The following CTBP2 variants were observed in gnomAD, a reference collection of about 807,000 sequenced individuals.
CTBP2 encodes C-terminal binding protein 2.
A neutral mutation model predicts 80.3 loss-of-function variants in CTBP2; 30 were observed. The ratio of observed to expected loss-of-function variants is 0.37; its 90% CI spans 0.28 to 0.51. CTBP2 has a LOEUF of 0.51. Ranked by LOEUF, CTBP2 falls within the 20% of genes least tolerant of loss-of-function variation. The pLI, the probability that CTBP2 is intolerant of heterozygous loss-of-function variation, is 0.93. For synonymous variants in CTBP2, 594 were observed against 587.4 expected (o/e 1.01, Z -0.16); for missense variants, 1,212 against 1,375.3 (o/e 0.88, Z 1.88).
chr10:124,994,070 G>A (rs1419011952), intron 5 of CTBP2, 85 bp from the exon 8 acceptor site: 5 of 1,561,474 alleles, frequency 3.2e-6, no homozygotes, highest in Non-Finnish European at 3.5e-6. Flanking sequence ...AAAGCTGCAA[G>A]CTAGTTTTGT....
In CTBP2 at chr10:124,998,001, G is replaced by C; in HGVS notation, c.2148C>G (p.Ala716=). The C allele has an allele frequency of 6.2e-7, 1 of 1,612,994 alleles. No homozygotes were observed. The highest frequency in any genetic ancestry group is 1.1e-5 in the South Asian group (1 of 91,066). The stretch of plus-strand genomic sequence containing the variant: ...GGCCCAGCGTCTCCCCACGGATGCG[G>C]GCCGCTCCCGAGGCCACCTCGCGGA... The change falls in exon 4 of 9, where the codon GCC becomes GCG. Residue 716 remains alanine (A), a synonymous_variant. Transcript: ENST00000309035.
chr10:125,012,684 G>C (rs1204694234), intron 1 of CTBP2, among the ~76,000 whole-genome samples: 1 of 152,180 alleles, frequency 6.6e-6, no homozygotes, highest in African/African-American at 2.4e-5. Context: ...CTGTTGTCCA[G>C]GCTGGAGTGC....
intron 1 of CTBP2, among the ~76,000 whole-genome samples, chr10:125,025,171 TTC>T (rs1260705226): frequency 2.0e-5 from 3 of 152,136 alleles, no homozygotes; most frequent in African/African-American, 7.2e-5. Context: ...TTGAAAAGGA[TTC>T]TGTTTTCTGA....
chr10:125,105,897 GC>G (rs1851376189), intron 2 of CTBP2, among the ~76,000 whole-genome samples: 1 of 152,190 alleles, frequency 6.6e-6, no homozygotes, highest in Non-Finnish European at 1.5e-5. Context: ...CTACGCCCCA[GC>G]CTGAAACTTG....
intron 1 of CTBP2, among the ~76,000 whole-genome samples, chr10:125,112,017 C>T (rs1590850658): frequency 6.6e-6 from 1 of 151,986 alleles, no homozygotes; most frequent in African/African-American, 2.4e-5. Flanking sequence ...CTGCTGCAGC[C>T]AGGCCTGACA....
rs1320128313 is a variant in CTBP2, at chr10:125,027,170, C to G, written c.590G>C (p.Arg197Thr). The stretch of plus-strand genomic sequence containing the variant: ...GTAGGCAGGCACCTCCGCCCCATAC[C>G]TGGTGTCGGGCTGCTCCCGTCCATA... The change falls in exon 1 of 9, where the codon AGG (arginine) becomes ACG (threonine). Residue 197 changes from arginine (R) to threonine (T), a missense_variant. Transcript: ENST00000309035. 12 of 1,605,074 alleles carry G rather than the reference C, an allele frequency of 7.5e-6. No individual in the cohort carries two copies. The highest frequency in any genetic ancestry group is 2.2e-5 in the South Asian group (2 of 90,812).
intron 1 of CTBP2, among the ~76,000 whole-genome samples, chr10:125,133,259 A>G (rs1483963385): frequency 6.6e-6 from 1 of 152,284 alleles, no homozygotes; most frequent in East Asian, 1.9e-4. Context: ...TCTCAGTATG[A>G]CCTTCAGCAT....
At chr10:125,101,174 A>G (rs1850558400) in intron 2 of CTBP2, among the ~76,000 whole-genome samples, 1 of 152,232 alleles carries the variant, frequency 6.6e-6, no homozygotes, top group Middle Eastern at 3.2e-3. Context: ...ACTTTGCCAT[A>G]AAATGCAGGA....
chr10:125,114,243 C>A (rs1852799167), intron 1 of CTBP2, among the ~76,000 whole-genome samples: 1 of 152,218 alleles, frequency 6.6e-6, no homozygotes, highest in Admixed American at 6.5e-5. Context: ...CCCACCCCCT[C>A]CAAGTTCACG....
chr10:125,035,710 T>A (rs1958785474), intron 3 of CTBP2, among the ~76,000 whole-genome samples: 1 of 152,212 alleles, frequency 6.6e-6, no homozygotes, highest in South Asian at 2.1e-4. Context: ...CTAGCCCTCA[T>A]TTCCAACCAA....
chr10:125,033,229 G>A (rs1958447621), intron 3 of CTBP2, among the ~76,000 whole-genome samples: 2 of 152,184 alleles, frequency 1.3e-5, no homozygotes, highest in South Asian at 4.1e-4. Context: ...CCCCAGCGCT[G>A]GACACCCAGA....
chr10:125,046,537 C>CAAAAAAAAAAAAA (rs57913854), intron 2 of CTBP2, among the ~76,000 whole-genome samples: 17 of 114,764 alleles, frequency 1.5e-4, no homozygotes, highest in Admixed American at 2.0e-4. Context: ...GACTCTATCT[C>CAAAAAAAAAAAAA]AAAAAAAAAA....
chr10:125,139,994 A>C (rs1433995803), intron 1 of CTBP2, among the ~76,000 whole-genome samples: 4 of 151,790 alleles, frequency 2.6e-5, no homozygotes, highest in Admixed American at 2.6e-4. Flanking sequence ...CCCTTCCCCA[A>C]CCCTTGCTGA....
intron 1 of CTBP2, among the ~76,000 whole-genome samples, chr10:125,114,995 G>A (rs1028695714): frequency 2.6e-5 from 4 of 152,052 alleles, no homozygotes; most frequent in African/African-American, 9.7e-5. Context: ...GAGGCTTTCT[G>A]CTTGAACTCA....
At chr10:125,097,989 C>T (rs542104559) in intron 2 of CTBP2, among the ~76,000 whole-genome samples, 6 of 152,112 alleles carry the variant, frequency 3.9e-5, no homozygotes, top group East Asian at 3.9e-4. Context: ...GGTGTGGCGG[C>T]GGGCGCCTGT....
intron 2 of CTBP2, among the ~76,000 whole-genome samples, chr10:125,103,070 G>A (rs965458640): frequency 1.3e-5 from 2 of 152,168 alleles, no homozygotes; most frequent in Non-Finnish European, 2.9e-5. Flanking sequence ...ACTTCCCTGC[G>A]GTGGAAAGCT....
intron 5 of CTBP2, 29 bp downstream of exon 7, chr10:124,994,440 A>C (rs898522456): frequency 2.5e-6 from 4 of 1,608,358 alleles, no homozygotes; most frequent in Non-Finnish European, 3.4e-6. Context: ...TTTCGACAGA[A>C]GCTTCCATGG....
At chr10:125,068,290 C>T (rs1209401136) in intron 2 of CTBP2, among the ~76,000 whole-genome samples, 2 of 152,170 alleles carry the variant, frequency 1.3e-5, no homozygotes, top group African/African-American at 4.8e-5. Flanking sequence ...AATGACCATT[C>T]CCAAATTCAG....
At chr10:125,138,313 C>A (rs1009233703) in intron 1 of CTBP2, 1 of 152,126 alleles carries the variant, frequency 6.6e-6, no homozygotes, top group East Asian at 1.9e-4. Context: ...CTGGGTGATT[C>A]GAGACTATCC....
Sources: gnomAD v4.1 joint callset for allele counts (sites outside exome capture counted in the v4.1 genomes callset) on GRCh38, gnomAD v4.1.1 for gene constraint, MANE v1.5 for transcripts, NCBI Gene and HGNC (gene_info 2026-07-23, HGNC 2026-07-21) for gene names.